NEBL: variants seen among roughly 807,000 people sequenced by gnomAD.
NEBL encodes the protein nebulette, also known as LIM and SH3 protein 2.
Under a neutral mutation model 140.2 loss-of-function variants are expected in NEBL, and 122 were observed. That is an observed-to-expected ratio of 0.87 (90% CI 0.75 to 1.01). The LOEUF is 1.01. NEBL is among the 50% of genes least tolerant of loss of function. NEBL has a pLI of 0.00. For synonymous variants in NEBL, 436 were observed against 398.9 expected (o/e 1.09, Z -1.11); for missense variants, 1,365 against 1,231.3 (o/e 1.11, Z -1.62).
intron 1 of NEBL, among the ~76,000 whole-genome samples, chr10:21,278,830 G>C (rs986616139): frequency 1.3e-5 from 2 of 152,122 alleles, no homozygotes; most frequent in Non-Finnish European, 2.9e-5. Flanking sequence ...GCCAAGGTTA[G>C]AATCAGGCCT....
chr10:20,967,052 T>C (rs1836345198), intron 3 of NEBL, among the ~76,000 whole-genome samples: 1 of 152,048 alleles, frequency 6.6e-6, no homozygotes, highest in Non-Finnish European at 1.5e-5. Flanking sequence ...AAATAACACT[T>C]GGCAATGAAT....
intron 2 of NEBL, among the ~76,000 whole-genome samples, chr10:21,081,819 C>T (rs951378797): frequency 1.1e-4 from 16 of 152,150 alleles, no homozygotes; most frequent in Non-Finnish European, 8.8e-5. Flanking sequence ...CTCATAAGGG[C>T]TCCCATGGGC....
At chr10:21,245,002 A>C (rs1396890771) in intron 3 of NEBL, among the ~76,000 whole-genome samples, 2 of 151,922 alleles carry the variant, frequency 1.3e-5, no homozygotes, top group African/African-American at 4.8e-5. Flanking sequence ...AAAAAAAAAA[A>C]AAAAAATTTA....
At chr10:20,994,064 G>A (rs1837572235) in intron 3 of NEBL, among the ~76,000 whole-genome samples, 1 of 152,110 alleles carries the variant, frequency 6.6e-6, no homozygotes, top group Admixed American at 6.6e-5. Context: ...AAAATAAAAT[G>A]TTACATAACT....
chr10:20,855,816 G>A (rs1376694682), intron 9 of NEBL, among the ~76,000 whole-genome samples: 1 of 152,144 alleles, frequency 6.6e-6, no homozygotes, highest in African/African-American at 2.4e-5. Context: ...TAACTCTGAT[G>A]TTGCTAAAGA....
intron 2 of NEBL, among the ~76,000 whole-genome samples, chr10:21,142,279 T>C (rs149515290): frequency 7.4e-4 from 112 of 152,210 alleles, no homozygotes; most frequent in African/African-American, 2.6e-3. Flanking sequence ...TCACCCTGGG[T>C]TGCACCAGCC....
intron 2 of NEBL, among the ~76,000 whole-genome samples, chr10:20,894,750 TA>T (rs35938506): frequency 0.071 from 8,181 of 114,646 alleles, 477 homozygotes; most frequent in African/African-American, 0.16. Context: ...CCGTCTCTAC[TA>T]AAAAAAAAAA....
intron 4 of NEBL, among the ~76,000 whole-genome samples, chr10:20,915,590 A>G (rs1184058550): frequency 2.6e-5 from 4 of 151,510 alleles, no homozygotes; most frequent in African/African-American, 9.7e-5. Flanking sequence ...TGAACTCATC[A>G]TTTTTTATGG....
intron 22 of NEBL, among the ~76,000 whole-genome samples, chr10:20,814,617 T>TATACACACACACACACAC (rs1838528334): frequency 6.8e-6 from 1 of 146,418 alleles, no homozygotes; most frequent in African/African-American, 2.6e-5. Flanking sequence ...CATACACACA[T>TATACACACACACACACAC]ACACACACAC....
intron 2 of NEBL, chr10:21,029,665 A>C: frequency 8.3e-7 from 1 of 1,204,668 alleles, no homozygotes; most frequent in Non-Finnish European, 1.2e-6. Context: ...GTTTGGAGAC[A>C]AGTATCGAGA....
At chr10:21,252,536 A>G (rs1427394531) in intron 1 of NEBL, among the ~76,000 whole-genome samples, 1 of 152,230 alleles carries the variant, frequency 6.6e-6, no homozygotes, top group African/African-American at 2.4e-5. Context: ...GAGCTATCCA[A>G]AAGAAGCAAG....
intron 2 of NEBL, among the ~76,000 whole-genome samples, chr10:21,159,056 T>C (rs1281228822): frequency 6.6e-6 from 1 of 152,226 alleles, no homozygotes; most frequent in Non-Finnish European, 1.5e-5. Flanking sequence ...AACTGTGTGT[T>C]AGGCTAATCT....
upstream of NEBL, among the ~76,000 whole-genome samples, chr10:21,176,134 C>G (rs1475902189): frequency 6.6e-6 from 1 of 152,142 alleles, no homozygotes; most frequent in Non-Finnish European, 1.5e-5. Context: ...TCCTGAGTAC[C>G]TGCGACCACA....
At chr10:21,284,183 CTGGGTGACAGA>C (rs989448621) in intron 1 of NEBL, among the ~76,000 whole-genome samples, 1 of 120,994 alleles carries the variant, frequency 8.3e-6, no homozygotes, top group African/African-American at 3.3e-5. Context: ...GCACTACAGC[CTGGGTGACAGA>C]GCAAGACTCC....
chr10:21,028,254 AAAGAAG>A (rs55945604), intron 2 of NEBL, among the ~76,000 whole-genome samples: 3 of 70,332 alleles, frequency 4.3e-5, no homozygotes, highest in African/African-American at 1.1e-4. Context: ...AAAAAAAAAA[AAAGAAG>A]AAGAAGAAGA....
intron 3 of NEBL, among the ~76,000 whole-genome samples, chr10:20,967,185 A>G (rs1836354504): frequency 8.1e-6 from 1 of 123,062 alleles, no homozygotes; most frequent in Admixed American, 7.5e-5. Flanking sequence ...TTTTCAAAGA[A>G]AAAAAAAAAT....
At chr10:20,852,749 T>G in intron 9 of NEBL, 100 bp from the exon 10 acceptor site, 1 of 1,067,678 alleles carries the variant, frequency 9.4e-7, no homozygotes, top group Non-Finnish European at 1.4e-6. Context: ...CACCAAGAGC[T>G]GCAAAGCTGT....
At chr10:21,161,592 A>G (rs921699361) in intron 2 of NEBL, among the ~76,000 whole-genome samples, 3 of 152,288 alleles carry the variant, frequency 2.0e-5, no homozygotes, top group Middle Eastern at 3.4e-3. Context: ...AGAGAGTTAT[A>G]TTAAGAATCC....
intron 2 of NEBL, chr10:21,020,226 C>T (rs1184102896): frequency 1.3e-6 from 2 of 1,587,552 alleles, no homozygotes; most frequent in Admixed American, 1.7e-5. Flanking sequence ...TTTAAAAGGA[C>T]ATAATTAAAA....
Sources: allele counts gnomAD v4.1 joint callset (sites outside exome capture counted in the v4.1 genomes callset), GRCh38; gene constraint gnomAD v4.1.1; transcripts MANE v1.5; gene names NCBI Gene and HGNC (gene_info 2026-07-23, HGNC 2026-07-21).